The following LCLAT1 variants were observed in gnomAD, a reference collection of about 807,000 sequenced individuals.
LCLAT1 encodes the protein lysocardiolipin acyltransferase 1, also known as 1-AGP acyltransferase 8.
In LCLAT1, 11 loss-of-function variants were observed where a neutral mutation model predicts 30.7. The observed-to-expected ratio is 0.36, with a 90% CI of 0.23 to 0.59. LCLAT1 has a LOEUF of 0.59. Among genes scored for constraint, LCLAT1 ranks in the 20% least tolerant of loss-of-function variants. The pLI, the probability that LCLAT1 is intolerant of heterozygous loss-of-function variation, is 0.77. For missense variants in LCLAT1, 402 were observed against 458.6 expected, an observed-to-expected ratio of 0.88 and a Z score of 1.13; for synonymous variants, 155 against 151.3, an observed-to-expected ratio of 1.02 and a Z score of -0.18.
At chr2:30,566,841 A>G (rs566962505) in intron 4 of LCLAT1, among the ~76,000 whole-genome samples, 1 of 152,310 alleles carries the variant, frequency 6.6e-6, no homozygotes, top group African/African-American at 2.4e-5. Flanking sequence ...GGAATGGAAA[A>G]AGAAGGTTTT....
At chr2:30,559,647 A>T (rs988301946) in intron 3 of LCLAT1, among the ~76,000 whole-genome samples, 2 of 152,182 alleles carry the variant, frequency 1.3e-5, no homozygotes, top group Non-Finnish European at 2.9e-5. Context: ...TTTGTCAGCC[A>T]AATTCTCACA....
intron 3 of LCLAT1, among the ~76,000 whole-genome samples, chr2:30,548,641 C>G (rs1309236664): frequency 2.6e-5 from 4 of 152,044 alleles, no homozygotes; most frequent in Admixed American, 1.3e-4. Flanking sequence ...AAAAGGGTGT[C>G]TGGCTCTTAG....
chr2:30,461,637 T>C (rs1002909843), intron 1 of LCLAT1, among the ~76,000 whole-genome samples: 2 of 152,136 alleles, frequency 1.3e-5, no homozygotes, highest in Admixed American at 6.5e-5. Flanking sequence ...CAAGGAAGTG[T>C]TGGAGAAGTC....
intron 5 of LCLAT1, among the ~76,000 whole-genome samples, chr2:30,582,043 T>C (rs1666232513): frequency 6.6e-6 from 1 of 152,192 alleles, no homozygotes; most frequent in South Asian, 2.1e-4. Flanking sequence ...CAATTAAAAA[T>C]ACTAAAAAGC....
At chr2:30,636,703 T>C (rs534207318) in intron 5 of LCLAT1, among the ~76,000 whole-genome samples, 116 of 152,278 alleles carry the variant, frequency 7.6e-4, no homozygotes, top group African/African-American at 2.6e-3. Context: ...ACACCTTTAC[T>C]ATAGATCATC....
At chr2:30,536,719 A>T (rs1299643120) in intron 3 of LCLAT1, among the ~76,000 whole-genome samples, 1 of 152,222 alleles carries the variant, frequency 6.6e-6, no homozygotes, top group African/African-American at 2.4e-5. Context: ...TATATAGATG[A>T]AAAAGAGAAG....
intron 1 of LCLAT1, among the ~76,000 whole-genome samples, chr2:30,456,893 C>G (rs1025701779): frequency 6.6e-6 from 1 of 151,924 alleles, no homozygotes; most frequent in Non-Finnish European, 1.5e-5. Flanking sequence ...TTGCTGGAAG[C>G]GAAAGTTGGA....
At chr2:30,484,995 A>G (rs554556817) in intron 1 of LCLAT1, among the ~76,000 whole-genome samples, 1 of 152,280 alleles carries the variant, frequency 6.6e-6, no homozygotes. Flanking sequence ...ACTTAAGCAG[A>G]AGGTTTATTA....
At chr2:30,565,869 A>G (rs1388045729) in intron 4 of LCLAT1, among the ~76,000 whole-genome samples, 2 of 152,152 alleles carry the variant, frequency 1.3e-5, no homozygotes, top group South Asian at 2.1e-4. Context: ...CTGTTTAAGT[A>G]GGGACTAAAT....
In LCLAT1 at chr2:30,501,473, C is replaced by T. The variant is rs548505303; in HGVS notation, c.-4-24114C>T. Among the ~76,000 whole-genome samples the T allele has an allele frequency of 7.3e-5, 11 of 151,578 alleles. No individual in the cohort carries two copies. The East Asian group carries it at 9.7e-4, about 13-fold the overall frequency. On this transcript the variant is annotated intron_variant, in intron 1 of 5. Coordinates refer to ENST00000379509, the MANE Select transcript of LCLAT1 (RefSeq NM_001002257.3). ...TAAAGATCTGATTGTAGGCTGAGTG[C>T]GGTGGTCAACATGGTGAAACCCTGT... is the stretch of plus-strand genomic sequence containing the variant.
chr2:30,601,102 T>C (rs1473148639), intron 5 of LCLAT1, among the ~76,000 whole-genome samples: 1 of 152,192 alleles, frequency 6.6e-6, no homozygotes, highest in Admixed American at 6.5e-5. Context: ...GGTTGCATTG[T>C]GAAGTTTGTG....
chr2:30,531,400 T>G (rs1183123705), intron 2 of LCLAT1, among the ~76,000 whole-genome samples: 1 of 152,196 alleles, frequency 6.6e-6, no homozygotes, highest in Non-Finnish European at 1.5e-5. Context: ...GGGGTTATAA[T>G]TAGTTGAGCG....
chr2:30,518,120 A>G (rs2148370241), intron 1 of LCLAT1, among the ~76,000 whole-genome samples: 1 of 152,320 alleles, frequency 6.6e-6, no homozygotes, highest in South Asian at 2.1e-4. Context: ...CTAAGTAAAA[A>G]AGGCAAAAAG....
At chr2:30,554,705 G>C (rs1454513472) in intron 3 of LCLAT1, among the ~76,000 whole-genome samples, 1 of 152,068 alleles carries the variant, frequency 6.6e-6, no homozygotes, top group Admixed American at 6.5e-5. Context: ...CCTAAAAATG[G>C]CTGCTATGAA....
In LCLAT1 at chr2:30,575,880, A is replaced by G. The variant is rs555989226; in HGVS notation, c.628+7704A>G. Among the ~76,000 whole-genome samples the G allele has an allele frequency of 3.3e-5, 5 of 152,254 alleles. No individual in the cohort carries two copies. In the South Asian group the frequency reaches 8.3e-4, roughly 25 times the overall value. On this transcript the variant is annotated intron_variant, in intron 5 of 5. Transcript: ENST00000379509. ...CTGTACCACTTGACTTCAATAGGAGAAAAATTTTGCCCTGGGTTTATTATA... is the reference window on the plus strand; with the variant it reads ...CTGTACCACTTGACTTCAATAGGAGGAAAATTTTGCCCTGGGTTTATTATA...
intron 5 of LCLAT1, among the ~76,000 whole-genome samples, chr2:30,591,114 G>GTGAT (rs1666675959): frequency 6.6e-6 from 1 of 151,028 alleles, no homozygotes; most frequent in Admixed American, 6.6e-5. Flanking sequence ...CTAGAGTATA[G>GTGAT]TGATTGTGAC....
At chr2:30,564,182 A>C (rs781611640) in intron 4 of LCLAT1, among the ~76,000 whole-genome samples, 1 of 152,184 alleles carries the variant, frequency 6.6e-6, no homozygotes, top group East Asian at 1.9e-4. Flanking sequence ...TTTAGAATGT[A>C]TAATACCTAA....
intron 5 of LCLAT1, among the ~76,000 whole-genome samples, chr2:30,586,933 G>C (rs1666468536): frequency 6.6e-6 from 1 of 152,040 alleles, no homozygotes; most frequent in Non-Finnish European, 1.5e-5. Flanking sequence ...ATCTTTCTTT[G>C]CTTCAGATAT....
chr2:30,475,301 T>C (rs1216444863), intron 1 of LCLAT1, among the ~76,000 whole-genome samples: 1 of 152,152 alleles, frequency 6.6e-6, no homozygotes, highest in Non-Finnish European at 1.5e-5. Flanking sequence ...CCCTTACTAG[T>C]CTTATGGAAA....
Sources: allele counts gnomAD v4.1 joint callset (sites outside exome capture counted in the v4.1 genomes callset), GRCh38; gene constraint gnomAD v4.1.1; transcripts MANE v1.5; gene names NCBI Gene and HGNC (gene_info 2026-07-23, HGNC 2026-07-21).